Variants in NCAN observed in about 807,000 individuals in gnomAD.
NCAN encodes neurocan, also known as neurocan core protein.
A neutral mutation model predicts 121.8 loss-of-function variants in NCAN; 47 were observed. The observed-to-expected ratio is 0.39, with a 90% CI of 0.31 to 0.49. The LOEUF (loss-of-function observed/expected upper bound fraction) is 0.49. Among genes scored for constraint, NCAN ranks in the 20% least tolerant of loss-of-function variants. The pLI is 0.92. For missense variants in NCAN, 1,517 were observed against 1,773.4 expected, an observed-to-expected ratio of 0.86 and a Z score of 2.60; for synonymous variants, 633 against 702.0, an observed-to-expected ratio of 0.90 and a Z score of 1.55.
intron 1 of NCAN, among the ~76,000 whole-genome samples, chr19:19,213,518 G>GGC (rs2060783504): frequency 8.1e-6 from 1 of 123,218 alleles, no homozygotes; most frequent in Non-Finnish European, 1.8e-5. Flanking sequence ...GGGGGGGGGG[G>GGC]CCCGAGACTG....
chr19:19,242,526 C>G (rs1423316132), intron 12 of NCAN, among the ~76,000 whole-genome samples: 1 of 151,876 alleles, frequency 6.6e-6, no homozygotes, highest in East Asian at 2.0e-4. Flanking sequence ...CCTGTCTCTA[C>G]TAAAAATAAA....
At chr19:19,248,265 C>T (rs541759935) in intron 13 of NCAN, among the ~76,000 whole-genome samples, 1 of 152,026 alleles carries the variant, frequency 6.6e-6, no homozygotes, top group African/African-American at 2.4e-5. Flanking sequence ...GCCAATATGA[C>T]GAAACCCGGT....
chr19:19,239,895 T>C, intron 11 of NCAN, among the ~76,000 whole-genome samples: 1 of 116,606 alleles, frequency 8.6e-6, no homozygotes. Flanking sequence ...TCCTCCTTTC[T>C]CCTTCCCTTC....
In NCAN at chr19:19,227,580, GC is replaced by G. The variant is rs1345147124; in HGVS notation, c.1962del (p.Asn655IlefsTer30). On this transcript the variant is annotated frameshift_variant, in exon 8 of 15. Transcript: ENST00000252575. LOFTEE classifies it high-confidence loss of function. This position sits in a 1 kb window ranked among gnomAD's most constrained non-coding sequence, Gnocchi z 4.2. ...ACACCCCACCCCCATCTCCACCGAG[GC>G]CAATAGAGTTGAGGCACATGGTGAG... Reference protein sequence around the residue: ...LPHPTPISTEANRVEAHGEAT... With the variant: ...LPHPTPISTEXNRVEAHGEAT... 6.2e-7 allele frequency: 1 copy of G among 1,613,892 alleles called. No homozygotes were observed.
chr19:19,245,564 ACC>A, intron 13 of NCAN, 107 bp downstream of exon 13: 5 of 1,334,460 alleles, frequency 3.7e-6, no homozygotes, highest in Non-Finnish European at 4.1e-6. Flanking sequence ...CACAGCCTCC[ACC>A]GCCTGGGTTC....
Position 19,224,116 on chromosome 19 carries a change from GC to G in NCAN, c.575del (p.Pro192LeufsTer80). 6.2e-7 allele frequency: 1 copy of G among 1,609,710 alleles called. No individual in the cohort carries two copies. The highest frequency in any genetic ancestry group is 8.5e-7 in the Non-Finnish European group (1 of 1,176,598). ...ACRLSSAIIA[A>X]PRHLQAAFED... ...CCGTCTCAGCTCAGCCATCATTGCA[GC>G]CCCTCGGCATCTACAGGCTGCCTTT... On this transcript the variant is annotated frameshift_variant, in exon 4 of 15. Transcript: ENST00000252575. LOFTEE classifies it high-confidence loss of function.
intron 9 of NCAN, 119 bp from the exon 10 acceptor site, chr19:19,234,864 T>C: frequency 1.8e-6 from 1 of 555,614 alleles, no homozygotes. Flanking sequence ...CTGTGACTGC[T>C]GCACTTAGGT....
chr19:19,235,757 T>C (rs2060879003), intron 10 of NCAN, among the ~76,000 whole-genome samples: 2 of 152,146 alleles, frequency 1.3e-5, no homozygotes, highest in South Asian at 4.2e-4. Context: ...TATTTTATTT[T>C]TTGAGACAGG....
At chr19:19,234,617 A>G (rs1227945211) in intron 9 of NCAN, among the ~76,000 whole-genome samples, 1 of 152,176 alleles carries the variant, frequency 6.6e-6, no homozygotes, top group Non-Finnish European at 1.5e-5. Context: ...TTTACCCACA[A>G]ACAGCTTTGT....
rs568608129 is a variant in NCAN, at chr19:19,238,378, G to C, written c.3376G>C (p.Val1126Leu). Residue 1126 changes from valine to leucine, a missense_variant, in exon 11 of 15, where the codon GTC (valine) becomes CTC (leucine). Coordinates refer to ENST00000252575, the MANE Select transcript of NCAN (RefSeq NM_004386.3). ...CRRRSGHLTS[V>L]HSPEEHSFIN... ...CCGCCGCTCCGGCCACCTGACCAGC[G>C]TCCACTCACCGGAGGAACACAGCTT... 6.2e-7 allele frequency: 1 copy of C among 1,614,184 alleles called. No individual in the cohort carries two copies. The highest frequency in any genetic ancestry group is 1.7e-5 in the Admixed American group (1 of 60,030).
intron 10 of NCAN, among the ~76,000 whole-genome samples, chr19:19,236,955 C>A (rs1170753907): frequency 3.3e-5 from 5 of 152,014 alleles, no homozygotes; most frequent in Non-Finnish European, 7.4e-5. Flanking sequence ...CACTCTGTCA[C>A]CTAGGCTGGA....
At position 19,233,782 on chromosome 19, in the gene NCAN, C is replaced by T; in HGVS notation, c.3020-7C>T. 1 of 1,575,954 alleles carries T rather than the reference C, an allele frequency of 6.3e-7. No homozygotes were observed. The highest frequency in any genetic ancestry group is 8.7e-7 in the Non-Finnish European group (1 of 1,145,388). Reference sequence around the variant, plus strand: ...ACTCTTCCCCACACTACCCATCCATCCTGCAGTGCACTCAGATCCCTGTGA... The same window carrying T: ...ACTCTTCCCCACACTACCCATCCATTCTGCAGTGCACTCAGATCCCTGTGA... On this transcript the variant is annotated splice_region_variant and splice_polypyrimidine_tract_variant and intron_variant, in intron 8 of 14. Coordinates refer to ENST00000252575, the MANE Select transcript of NCAN (RefSeq NM_004386.3).
In NCAN at chr19:19,242,835, G is replaced by A. The variant is rs572422263; in HGVS notation, c.3492+2150G>A. Among the ~76,000 whole-genome samples, 94 of 152,024 alleles carry A rather than the reference G, an allele frequency of 6.2e-4. 1 individual carries two copies. The highest frequency in any genetic ancestry group is 2.0e-3 in the African/African-American group (81 of 41,452). ...CCATCCATGCAATGGAATATTGTTC[G>A]GCCATAAAGGAGAAGTTGGCCAGGT... On this transcript the variant is annotated intron_variant, in intron 12 of 14. Coordinates refer to ENST00000252575, the MANE Select transcript of NCAN (RefSeq NM_004386.3).
chr19:19,234,941 G>T, intron 9 of NCAN, 42 bp from the exon 10 acceptor site: 1 of 1,379,794 alleles, frequency 7.2e-7, no homozygotes, highest in South Asian at 1.2e-5. Context: ...CAGAGCCAAG[G>T]GGAAGCTGAC....
chr19:19,244,068 TGCTATATATATTTTGC>T (rs1460605864), intron 12 of NCAN, among the ~76,000 whole-genome samples: 6 of 152,254 alleles, frequency 3.9e-5, no homozygotes, highest in Admixed American at 2.6e-4. Flanking sequence ...AGGAATTATG[TGCTATATATATTTTGC>T]GCTATATATA....
At chr19:19,244,459 C>T (rs1214771145) in intron 12 of NCAN, among the ~76,000 whole-genome samples, 2 of 151,608 alleles carry the variant, frequency 1.3e-5, no homozygotes, top group African/African-American at 4.9e-5. Flanking sequence ...CAGGCGCGCA[C>T]CATCATGCCC....
Position 19,248,885 on chromosome 19 carries a change from A to G in NCAN, c.3820+3A>G, listed in dbSNP as rs576838196. Reference sequence around the variant, plus strand: ...GCCCCAAATTGTCTGCACCAAACGTAAGTAGCTTCTCCCAGAGATCTCAAC... The same window carrying G: ...GCCCCAAATTGTCTGCACCAAACGTGAGTAGCTTCTCCCAGAGATCTCAAC... On this transcript the variant is annotated splice_donor_region_variant and intron_variant, in intron 14 of 14. Coordinates refer to ENST00000252575, the MANE Select transcript of NCAN (RefSeq NM_004386.3). 6.2e-7 allele frequency: 1 copy of G among 1,613,514 alleles called. No individual in the cohort carries two copies. The highest frequency in any genetic ancestry group is 1.1e-5 in the South Asian group (1 of 91,004).
At position 19,252,055 on chromosome 19, in the gene NCAN, G is replaced by A. The variant is rs1383102745; in HGVS notation, c.*2144G>A. On this transcript the variant is annotated 3_prime_UTR_variant, in exon 15 of 15. Coordinates refer to ENST00000252575, the MANE Select transcript of NCAN (RefSeq NM_004386.3). ...GTCTTTTGATCTTTCCCTTTTGGAT[G>A]TGCGTGTGTGTCTGCGTGTGCCATG... 2 of 151,960 alleles carry A rather than the reference G, an allele frequency of 1.3e-5. No homozygotes were observed. The highest frequency in any genetic ancestry group is 6.6e-5 in the Admixed American group (1 of 15,050). The allele number at this position is 151,960 out of a possible 1,614,324, so 9.4% of individuals were successfully genotyped here. A position where few individuals can be genotyped will look rare whatever the true frequency, so the allele number is the denominator to read the frequency against.
chr19:19,244,857 C>T (rs1176689656), intron 12 of NCAN, among the ~76,000 whole-genome samples: 3 of 151,546 alleles, frequency 2.0e-5, no homozygotes, highest in African/African-American at 4.8e-5. Flanking sequence ...ATTACAGGCT[C>T]CCACTACCAT....
Sources: gnomAD v4.1 joint callset for allele counts (sites outside exome capture counted in the v4.1 genomes callset) on GRCh38, gnomAD v4.1.1 for gene constraint, Gnocchi (gnomAD v3.1) non-coding constraint, MANE v1.5 for transcripts, NCBI Gene and HGNC (gene_info 2026-07-23, HGNC 2026-07-21) for gene names.